RALY: variants seen among roughly 807,000 people sequenced by gnomAD.
RALY encodes the protein RALY heterogeneous nuclear ribonucleoprotein.
Under a neutral mutation model 30.7 loss-of-function variants are expected in RALY, and 15 were observed. That is an observed-to-expected ratio of 0.49 (90% confidence interval 0.33 to 0.75). RALY has a LOEUF of 0.75. RALY is among the 30% of genes least tolerant of loss of function. The probability of loss-of-function intolerance (pLI) is 0.02; values close to 1 mark genes in which losing one functional copy is unlikely to be tolerated. For synonymous variants in RALY, 177 were observed against 170.8 expected (o/e 1.04, Z -0.28); for missense variants, 339 against 414.3 (o/e 0.82, Z 1.58).
intron 2 of RALY, among the ~76,000 whole-genome samples, chr20:34,052,661 G>T (rs2033115203): frequency 6.6e-6 from 1 of 152,138 alleles, no homozygotes; most frequent in South Asian, 2.1e-4. Context: ...ACAGTTGAAG[G>T]ACCAGGGGTC....
At chr20:33,995,907 A>G (rs952084490) in intron 1 of RALY, among the ~76,000 whole-genome samples, 1 of 152,188 alleles carries the variant, frequency 6.6e-6, no homozygotes, top group African/African-American at 2.4e-5. Context: ...CCACTTATTC[A>G]GGTCTTAAGG....
In RALY at chr20:33,995,782, G is replaced by A. The variant is rs2030591163; in HGVS notation, c.-93+1651G>A. On this transcript the variant is annotated intron_variant, in intron 1 of 9. Coordinates refer to ENST00000246194, the MANE Select transcript of RALY (RefSeq NM_016732.3). ...CTTGGAAAGGGGAAGTAAGTTGTCT[G>A]AATTCAGACTGCCTTAGTGTCAGAG... 2.0e-5 allele frequency among the ~76,000 whole-genome samples: 3 copies of A among 152,286 alleles called. No individual in the cohort carries two copies. The South Asian group carries it at 6.2e-4, about 32-fold the overall frequency.
chr20:34,019,661 C>T (rs913348114), intron 1 of RALY, among the ~76,000 whole-genome samples: 4 of 152,152 alleles, frequency 2.6e-5, no homozygotes, highest in Non-Finnish European at 5.9e-5. Context: ...AGACACAGTC[C>T]CTGCTCTTGA....
chr20:34,078,525 C>T lies in RALY; in HGVS notation c.897C>T (p.Asp299=), dbSNP rs372973819. ...ATCAGGAACACAGCCAGGACACAGA[C>T]GCGGATGATGGGGCCTTGCAGTAAG... ...EEELEHSQDT[D]ADDGALQ The change falls in exon 9 of 10, where the codon GAC becomes GAT. Residue 299 remains aspartate, a synonymous_variant. Transcript: ENST00000246194. The T allele has an allele frequency of 4.4e-5, 70 of 1,587,558 alleles. No individual in the cohort carries two copies. Among genetic ancestry groups the T allele is most frequent in the Non-Finnish European group, 5.7e-5 (66 of 1,166,908 alleles).
intron 2 of RALY, among the ~76,000 whole-genome samples, chr20:34,061,374 A>G (rs537052905): frequency 5.9e-5 from 9 of 152,362 alleles, no homozygotes; most frequent in African/African-American, 9.6e-5. Context: ...TCTGACACCA[A>G]TGTCTAAAAA....
chr20:34,069,424 G>T (rs548856070), intron 2 of RALY, among the ~76,000 whole-genome samples: 48 of 152,118 alleles, frequency 3.2e-4, no homozygotes, highest in Non-Finnish European at 6.2e-4. Flanking sequence ...GCTCAGTGGT[G>T]CTTGTGGCTC....
chr20:34,078,568 T>C lies in RALY; in HGVS notation c.*4+15T>C. 20 of 1,551,492 alleles carry C rather than the reference T, an allele frequency of 1.3e-5. No homozygotes were observed. The highest frequency in any genetic ancestry group is 1.6e-5 in the Non-Finnish European group (18 of 1,149,720). ...GCAGTAAGCAGGTACAGGGGTCCTG[T>C]CCTGATGGGCAGAGGGTGGGGAATC... On this transcript the variant is annotated intron_variant, in intron 9 of 9. Transcript: ENST00000246194.
At chr20:34,050,874 C>T (rs1295361602) in intron 2 of RALY, among the ~76,000 whole-genome samples, 1 of 152,184 alleles carries the variant, frequency 6.6e-6, no homozygotes, top group Non-Finnish European at 1.5e-5. Context: ...GGCTCTCACC[C>T]ACTCTGATGT....
chr20:34,023,581 G>T (rs1232265913), intron 1 of RALY, among the ~76,000 whole-genome samples: 2 of 152,154 alleles, frequency 1.3e-5, no homozygotes, highest in East Asian at 1.9e-4. Context: ...GTTCGAGGGG[G>T]TGGGGGTCTG....
intron 2 of RALY, among the ~76,000 whole-genome samples, chr20:34,070,245 G>A (rs1260240309): frequency 6.6e-6 from 1 of 152,172 alleles, no homozygotes; most frequent in Non-Finnish European, 1.5e-5. Context: ...TTAGGTTACT[G>A]AGATAGGAGG....
At chr20:34,079,557 A>T (rs1231462666) in intron 9 of RALY, among the ~76,000 whole-genome samples, 1 of 152,196 alleles carries the variant, frequency 6.6e-6, no homozygotes, top group Non-Finnish European at 1.5e-5. Context: ...AGCTTTAGAA[A>T]ATTGTACATA....
chr20:34,062,627 G>A (rs1055569866), intron 2 of RALY, among the ~76,000 whole-genome samples: 3 of 152,224 alleles, frequency 2.0e-5, no homozygotes, highest in Admixed American at 1.3e-4. Flanking sequence ...CTCCATCGGG[G>A]TTTCCAGTAA....
chr20:34,038,607 G>A (rs2032586784), intron 2 of RALY, among the ~76,000 whole-genome samples: 1 of 152,118 alleles, frequency 6.6e-6, no homozygotes. Context: ...ACAATTCTGA[G>A]TACATAGGGC....
chr20:34,061,667 G>A (rs971004456), intron 2 of RALY, among the ~76,000 whole-genome samples: 1 of 152,162 alleles, frequency 6.6e-6, no homozygotes, highest in Admixed American at 6.5e-5. Flanking sequence ...TTATTTGATG[G>A]TAAATAATAT....
intron 2 of RALY, chr20:34,049,086 G>A (rs2032989909): frequency 1.3e-5 from 2 of 153,072 alleles, no homozygotes; most frequent in Admixed American, 6.5e-5. Flanking sequence ...GATGAGGAAG[G>A]TTATGGCTGA....
Position 34,076,768 on chromosome 20 carries a change from T to C in RALY, c.611T>C (p.Leu204Pro). 6.2e-7 allele frequency: 1 copy of C among 1,614,148 alleles called. No homozygotes were observed. Among genetic ancestry groups the C allele is most frequent in the Non-Finnish European group, 8.5e-7 (1 of 1,180,032 alleles). Residue 204 changes from leucine to proline, a missense_variant, in exon 7 of 10, where the codon CTG becomes CCG. By Grantham distance (98) the Leu-to-Pro change is moderately conservative. Transcript: ENST00000246194. ...CAGATCAAGTCCAATATCGATGCCC[T>C]GCTGAGCCGCTTGGAGCAGATCGCT... is the stretch of plus-strand genomic sequence containing the variant. ...LTQIKSNIDA[L>P]LSRLEQIAAE...
At chr20:34,046,580 A>C (rs188933772) in intron 2 of RALY, among the ~76,000 whole-genome samples, 1 of 152,186 alleles carries the variant, frequency 6.6e-6, no homozygotes, top group Admixed American at 6.5e-5. Flanking sequence ...TGTGACCGGC[A>C]CTTTGCTAAG....
chr20:34,029,266 C>A (rs761613786), intron 1 of RALY, among the ~76,000 whole-genome samples: 3 of 151,892 alleles, frequency 2.0e-5, no homozygotes, highest in Non-Finnish European at 4.4e-5. Flanking sequence ...GAAGAAACCC[C>A]GTCTTTACTA....
intron 1 of RALY, among the ~76,000 whole-genome samples, chr20:34,030,644 A>G (rs1019670946): frequency 2.0e-5 from 3 of 152,162 alleles, no homozygotes; most frequent in Non-Finnish European, 2.9e-5. Context: ...CAGTTTTACC[A>G]CTTGACTTAT....
Sources: allele counts gnomAD v4.1 joint callset (sites outside exome capture counted in the v4.1 genomes callset), GRCh38; gene constraint gnomAD v4.1.1; transcripts MANE v1.5; gene names NCBI Gene and HGNC (gene_info 2026-07-23, HGNC 2026-07-21).